PTPRM: variants seen among roughly 807,000 people sequenced by gnomAD.
PTPRM encodes receptor-type tyrosine-protein phosphatase mu.
A neutral mutation model predicts 186.7 loss-of-function variants in PTPRM; 47 were observed. The observed-to-expected ratio is 0.25, with a 90% confidence interval of 0.20 to 0.32. The LOEUF (loss-of-function observed/expected upper bound fraction) is 0.32. Ranked by LOEUF, PTPRM falls within the 10% of genes least tolerant of loss-of-function variation. The pLI is 1.00. For synonymous variants in PTPRM, 668 were observed against 674.9 expected (o/e 0.99, Z 0.16); for missense variants, 1,494 against 1,865.0 (o/e 0.80, Z 3.66).
intron 7 of PTPRM, among the ~76,000 whole-genome samples, chr18:8,029,421 C>G (rs1370797011): frequency 6.6e-6 from 1 of 150,802 alleles, no homozygotes; most frequent in African/African-American, 2.4e-5. Flanking sequence ...ACCTGTCCTA[C>G]CTGGAGTGTC....
intron 5 of PTPRM, among the ~76,000 whole-genome samples, chr18:7,937,854 A>G (rs979968674): frequency 6.6e-6 from 1 of 152,008 alleles, no homozygotes. Flanking sequence ...ATTGCGCTTA[A>G]TATCTTTATT....
intron 1 of PTPRM, among the ~76,000 whole-genome samples, chr18:7,587,252 G>C (rs1482653987): frequency 6.6e-6 from 1 of 152,110 alleles, no homozygotes; most frequent in African/African-American, 2.4e-5. Flanking sequence ...TCTGTGGGTA[G>C]ATATTACTTA....
intron 19 of PTPRM, among the ~76,000 whole-genome samples, chr18:8,286,033 T>A (rs1283363920): frequency 3.3e-5 from 5 of 152,150 alleles, no homozygotes; most frequent in Non-Finnish European, 7.3e-5. Flanking sequence ...GTAAATGTAT[T>A]TGCATATACA....
chr18:7,906,628 C>A, intron 4 of PTPRM, 45 bp downstream of exon 4: 1 of 1,402,318 alleles, frequency 7.1e-7, no homozygotes, highest in Non-Finnish European at 1.0e-6. Flanking sequence ...TCATTGGGGG[C>A]ATGTTTACAT....
chr18:7,995,390 A>G (rs1363205198), intron 7 of PTPRM, among the ~76,000 whole-genome samples: 1 of 152,160 alleles, frequency 6.6e-6, no homozygotes, highest in Non-Finnish European at 1.5e-5. Context: ...TATTCCAAAA[A>G]TTAGAAAAGG....
intron 1 of PTPRM, among the ~76,000 whole-genome samples, chr18:7,772,288 C>CTTTTCTTT (rs1482742958): frequency 1.6e-5 from 1 of 62,242 alleles, no homozygotes; most frequent in African/African-American, 7.0e-5. Flanking sequence ...TCTTTTCTTT[C>CTTTTCTTT]TCTCCTTCCT....
intron 3 of PTPRM, among the ~76,000 whole-genome samples, chr18:7,900,593 C>A (rs1303163020): frequency 6.6e-6 from 1 of 151,918 alleles, no homozygotes; most frequent in African/African-American, 2.4e-5. Flanking sequence ...ATTCTATATA[C>A]ATATAGTGTC....
intron 2 of PTPRM, among the ~76,000 whole-genome samples, chr18:7,800,994 G>A (rs746956147): frequency 6.6e-6 from 1 of 152,134 alleles, no homozygotes; most frequent in Non-Finnish European, 1.5e-5. Context: ...TGCAGGATTG[G>A]AAGTTGCTCT....
intron 7 of PTPRM, among the ~76,000 whole-genome samples, chr18:7,997,280 G>C (rs1354112145): frequency 2.0e-5 from 3 of 152,078 alleles, no homozygotes; most frequent in Non-Finnish European, 4.4e-5. Flanking sequence ...AAGAGCATAC[G>C]ATAGGGAGAT....
chr18:8,366,261 C>T (rs2095628596), intron 23 of PTPRM, among the ~76,000 whole-genome samples: 1 of 152,262 alleles, frequency 6.6e-6, no homozygotes, highest in African/African-American at 2.4e-5. Flanking sequence ...AGAGCCAGCA[C>T]TCCAGCCTGG....
At chr18:8,302,463 A>T (rs1055957862) in intron 20 of PTPRM, among the ~76,000 whole-genome samples, 1 of 152,246 alleles carries the variant, frequency 6.6e-6, no homozygotes, top group East Asian at 1.9e-4. Context: ...TGTCTTTATT[A>T]TAAGAATAAC....
chr18:7,997,411 C>T (rs11873445), intron 7 of PTPRM, among the ~76,000 whole-genome samples: 14,771 of 152,118 alleles, frequency 0.097, 773 homozygotes, highest in South Asian at 0.17. Flanking sequence ...AAATCTAAGA[C>T]TGAAACTATG....
chr18:8,262,567 C>T (rs2094645072), intron 19 of PTPRM, among the ~76,000 whole-genome samples: 1 of 152,142 alleles, frequency 6.6e-6, no homozygotes, highest in African/African-American at 2.4e-5. Flanking sequence ...GACTTCAGCT[C>T]CTCCTTCACT....
At chr18:8,027,623 G>A (rs145373514) in intron 7 of PTPRM, among the ~76,000 whole-genome samples, 84 of 152,170 alleles carry the variant, frequency 5.5e-4, no homozygotes, top group African/African-American at 2.0e-3. Context: ...CTTCCCACGT[G>A]GCAAAATAAC....
chr18:8,308,237 G>A (rs2095241425), intron 20 of PTPRM, among the ~76,000 whole-genome samples: 1 of 152,182 alleles, frequency 6.6e-6, no homozygotes, highest in Non-Finnish European at 1.5e-5. Context: ...GGCTTTTGTA[G>A]GCCAAACAGA....
intron 1 of PTPRM, among the ~76,000 whole-genome samples, chr18:7,618,605 T>G (rs2037863069): frequency 6.6e-6 from 1 of 152,190 alleles, no homozygotes; most frequent in African/African-American, 2.4e-5. Context: ...TCTACTATCT[T>G]TCAGAACCAA....
intron 13 of PTPRM, among the ~76,000 whole-genome samples, chr18:8,127,914 C>T (rs969764988): frequency 6.6e-6 from 1 of 152,036 alleles, no homozygotes; most frequent in Non-Finnish European, 1.5e-5. Context: ...TTTGTTAAGA[C>T]CAACATAAAC....
chr18:7,819,207 A>G (rs1207197847), intron 2 of PTPRM, among the ~76,000 whole-genome samples: 1 of 152,170 alleles, frequency 6.6e-6, no homozygotes. Flanking sequence ...CTGTGGACAT[A>G]GGTGAGGACA....
intron 1 of PTPRM, among the ~76,000 whole-genome samples, chr18:7,685,588 TATGGATC>T (rs1259374942): frequency 2.6e-5 from 4 of 152,176 alleles, no homozygotes; most frequent in African/African-American, 9.7e-5. Flanking sequence ...TAATTGAGAT[TATGGATC>T]ATAAGTTAGA....
Sources: allele counts gnomAD v4.1 joint callset (sites outside exome capture counted in the v4.1 genomes callset), GRCh38; gene constraint gnomAD v4.1.1; transcripts MANE v1.5; gene names NCBI Gene and HGNC (gene_info 2026-07-23, HGNC 2026-07-21).